Variants in CHRNA7 observed in about 807,000 individuals in gnomAD.
CHRNA7 encodes the protein cholinergic receptor nicotinic alpha 7 subunit, also known as neuronal acetylcholine receptor subunit alpha-7.
In CHRNA7, 17 loss-of-function variants were observed where a neutral mutation model predicts 48.0. The ratio of observed to expected loss-of-function variants is 0.35; its 90% CI spans 0.24 to 0.53. The LOEUF (loss-of-function observed/expected upper bound fraction) is 0.53. Among genes scored for constraint, CHRNA7 ranks in the 20% least tolerant of loss-of-function variants. CHRNA7 has a pLI of 0.92. For missense variants in CHRNA7, 155 were observed against 577.7 expected (o/e 0.27, Z 7.50); for synonymous variants, 75 against 242.3 (o/e 0.31, Z 6.41).
At chr15:32,060,183 A>G (rs923983227) in intron 2 of CHRNA7, among the ~76,000 whole-genome samples, 1 of 152,164 alleles carries the variant, frequency 6.6e-6, no homozygotes, top group African/African-American at 2.4e-5. Flanking sequence ...ATCAACAGCA[A>G]TCTATAACTG....
chr15:32,031,111 C>T, intron 2 of CHRNA7, 74 bp downstream of exon 2: 6 of 1,582,306 alleles, frequency 3.8e-6, no homozygotes, highest in Non-Finnish European at 5.2e-6. Context: ...CAGCGTCGGG[C>T]GGCCAGGCGG....
chr15:32,058,793 G>A lies in CHRNA7; in HGVS notation c.195+27756G>A, dbSNP rs78544509. Reference sequence around the variant, plus strand: ...GGCCTCCTAATAGGTGGCTTTGGTTGTGTGACTTTGGATGCATATATCACT... The same window carrying A: ...GGCCTCCTAATAGGTGGCTTTGGTTATGTGACTTTGGATGCATATATCACT... On this transcript the variant is annotated intron_variant, in intron 2 of 9. Transcript: ENST00000306901. Among the ~76,000 whole-genome samples, 227 of 152,248 alleles carry A rather than the reference G, an allele frequency of 1.5e-3. 5 individuals carry two copies. In the East Asian group the frequency reaches 0.04, roughly 27 times the overall value.
At chr15:32,166,714 TCATA>T (rs1201497271) in intron 9 of CHRNA7, 1 of 146,228 alleles carries the variant, frequency 6.8e-6, no homozygotes, top group African/African-American at 2.7e-5. Flanking sequence ...GGCCCACTTT[TCATA>T]CACTTTACAT....
At chr15:32,117,444 T>TG (rs904232507) in intron 4 of CHRNA7, among the ~76,000 whole-genome samples, 1 of 152,122 alleles carries the variant, frequency 6.6e-6, no homozygotes, top group Non-Finnish European at 1.5e-5. Flanking sequence ...ATTGTCGACA[T>TG]GGTCTGCTAC....
chr15:32,056,826 C>G (rs1298520571), intron 2 of CHRNA7, among the ~76,000 whole-genome samples: 1 of 152,116 alleles, frequency 6.6e-6, no homozygotes, highest in Non-Finnish European at 1.5e-5. Flanking sequence ...AATTAAATAT[C>G]TTCAGTATGG....
intron 3 of CHRNA7, among the ~76,000 whole-genome samples, chr15:32,108,865 A>C (rs1219996102): frequency 6.6e-6 from 1 of 152,186 alleles, no homozygotes; most frequent in East Asian, 1.9e-4. Flanking sequence ...CATGTAAGGA[A>C]ACTGCAGTTC....
chr15:32,070,964 G>C lies in CHRNA7; in HGVS notation c.196-30339G>C, dbSNP rs1344019742. 3.3e-5 allele frequency among the ~76,000 whole-genome samples: 5 copies of C among 152,132 alleles called. No individual in the cohort carries two copies. The East Asian group carries it at 9.7e-4, about 29-fold the overall frequency. Reference sequence around the variant, plus strand: ...AGCCTCCCAAAGTGCTGGGATTACAGGCATGAGCCACCGTGCCTGGCCTAG... The same window carrying C: ...AGCCTCCCAAAGTGCTGGGATTACACGCATGAGCCACCGTGCCTGGCCTAG... On this transcript the variant is annotated intron_variant, in intron 2 of 9. Coordinates refer to ENST00000306901, the MANE Select transcript of CHRNA7 (RefSeq NM_000746.6).
At position 32,123,311 on chromosome 15, in the gene CHRNA7, G is replaced by C. The variant is rs560575183; in HGVS notation, c.350+11412G>C. Among the ~76,000 whole-genome samples the C allele has an allele frequency of 6.4e-4, 98 of 152,264 alleles. 2 individuals carry two copies. The highest frequency in any genetic ancestry group is 2.2e-3 in the African/African-American group (91 of 41,532). On this transcript the variant is annotated intron_variant, in intron 4 of 9. Transcript: ENST00000306901. ...ATGCACAAAATGAAAAAAAGTACAA[G>C]TAAATATGTATGTTAAATATTTGAA...
intron 2 of CHRNA7, among the ~76,000 whole-genome samples, chr15:32,093,604 A>G (rs4779976): frequency 0.99 from 151,480 of 152,248 alleles, 75,364 homozygotes; most frequent in Middle Eastern, 1. Context: ...GGAAACAAAA[A>G]TCAGTGGTGT....
chr15:32,145,633 A>G (rs1192961513), intron 4 of CHRNA7, among the ~76,000 whole-genome samples: 1 of 151,918 alleles, frequency 6.6e-6, no homozygotes, highest in Non-Finnish European at 1.5e-5. Context: ...AGTGGCGGAC[A>G]CCCCTCCCCA....
intron 2 of CHRNA7, among the ~76,000 whole-genome samples, chr15:32,038,599 G>A (rs2141167070): frequency 6.6e-6 from 1 of 152,282 alleles, no homozygotes; most frequent in African/African-American, 2.4e-5. Flanking sequence ...GGACTCCTGA[G>A]CTCAGTTGAT....
At chr15:32,120,431 T>C (rs1039350098) in intron 4 of CHRNA7, among the ~76,000 whole-genome samples, 1 of 151,846 alleles carries the variant, frequency 6.6e-6, no homozygotes, top group African/African-American at 2.4e-5. Flanking sequence ...TCTTTTCTTT[T>C]CTTTTCTTTT....
chr15:32,119,484 G>A (rs2050930044), intron 4 of CHRNA7, among the ~76,000 whole-genome samples: 1 of 152,174 alleles, frequency 6.6e-6, no homozygotes, highest in African/African-American at 2.4e-5. Flanking sequence ...TGGTGGATGG[G>A]GAAGCCAGGG....
chr15:32,046,697 G>T (rs1405009543), intron 2 of CHRNA7, among the ~76,000 whole-genome samples: 1 of 135,448 alleles, frequency 7.4e-6, no homozygotes, highest in African/African-American at 3.2e-5. Flanking sequence ...GTCAATTTTG[G>T]CTTTTGTTGC....
chr15:32,102,132 T>G (rs1320501344), intron 3 of CHRNA7: 2 of 152,154 alleles, frequency 1.3e-5, no homozygotes, highest in African/African-American at 4.8e-5. Flanking sequence ...TTTTGTTTGT[T>G]TGTTTGTTTG....
At chr15:32,137,923 A>T (rs2051301788) in intron 4 of CHRNA7, among the ~76,000 whole-genome samples, 1 of 152,348 alleles carries the variant, frequency 6.6e-6, no homozygotes, top group Admixed American at 6.5e-5. Context: ...TCACACAGAA[A>T]CCTACACACA....
intron 2 of CHRNA7, among the ~76,000 whole-genome samples, chr15:32,060,507 TG>T (rs2141203651): frequency 6.6e-6 from 1 of 152,288 alleles, no homozygotes; most frequent in South Asian, 2.1e-4. Flanking sequence ...AGGGCAATAA[TG>T]GAACAAAGAA....
At chr15:32,076,408 G>C (rs2050136962) in intron 2 of CHRNA7, among the ~76,000 whole-genome samples, 1 of 152,110 alleles carries the variant, frequency 6.6e-6, no homozygotes, top group South Asian at 2.1e-4. Context: ...GTCAGATATT[G>C]TCTCTCCCTA....
intron 2 of CHRNA7, among the ~76,000 whole-genome samples, chr15:32,094,835 T>C (rs1015619247): frequency 1.1e-4 from 16 of 152,304 alleles, no homozygotes; most frequent in South Asian, 8.3e-4. Flanking sequence ...TAATTTTTTG[T>C]ATTTTTATTA....
Sources: allele counts gnomAD v4.1 joint callset (sites outside exome capture counted in the v4.1 genomes callset), GRCh38; gene constraint gnomAD v4.1.1; transcripts MANE v1.5; gene names NCBI Gene and HGNC (gene_info 2026-07-23, HGNC 2026-07-21).